The following FXN variants were observed in gnomAD, a reference collection of about 807,000 sequenced individuals.
The protein encoded by FXN is frataxin.
A neutral mutation model predicts 22.4 loss-of-function variants in FXN; 14 were observed. That is an observed-to-expected ratio of 0.62 (90% CI 0.41 to 0.98). The LOEUF (loss-of-function observed/expected upper bound fraction) is 0.98, where lower values mean the gene tolerates loss of function less well. Among genes scored for constraint, FXN ranks in the 50% least tolerant of loss-of-function variants. The pLI is 0.00. For missense variants in FXN, 267 were observed against 268.4 expected (o/e 0.99, Z 0.04); for synonymous variants, 120 against 114.1 (o/e 1.05, Z -0.33).
intron 2 of FXN, among the ~76,000 whole-genome samples, chr9:69,052,516 A>AACT (rs1254698224): frequency 1.4e-5 from 2 of 147,006 alleles, no homozygotes; most frequent in Non-Finnish European, 3.0e-5. Flanking sequence ...TTCTTTCTGT[A>AACT]ACCCCTTCTG....
chr9:69,054,152 C>T (rs1831912084), intron 3 of FXN, among the ~76,000 whole-genome samples: 1 of 152,138 alleles, frequency 6.6e-6, no homozygotes, highest in South Asian at 2.1e-4. Flanking sequence ...AGGCATCTGC[C>T]ACCATGCCCA....
At chr9:69,059,031 G>A (rs1256326843) in intron 3 of FXN, among the ~76,000 whole-genome samples, 1 of 151,946 alleles carries the variant, frequency 6.6e-6, no homozygotes, top group Non-Finnish European at 1.5e-5. Flanking sequence ...TCCCGCCACT[G>A]CACTCCAGCC....
chr9:69,042,254 A>AAAG (rs1285473719), intron 1 of FXN, among the ~76,000 whole-genome samples: 1 of 150,508 alleles, frequency 6.6e-6, no homozygotes, highest in South Asian at 2.1e-4. Flanking sequence ...AAAAAAAAAA[A>AAAG]GGAAGAACAC....
chr9:69,073,596 C>T lies in FXN; in HGVS notation c.*834C>T, dbSNP rs1832313338. The stretch of plus-strand genomic sequence containing the variant: ...AAGGGGCAGATAAAGGAAGGAGATA[C>T]TCATGTTGATAAAGAGAGCCCTGGT... On this transcript the variant is annotated 3_prime_UTR_variant, in exon 5 of 5. Transcript: ENST00000484259. The T allele has an allele frequency of 1.0e-6, 1 of 985,204 alleles. No individual in the cohort carries two copies. Among genetic ancestry groups the T allele is most frequent in the African/African-American group, 1.7e-5 (1 of 57,178 alleles). 61.0% of individuals were successfully genotyped at this position (985,204 alleles called of 1,614,324 possible). A position where few individuals can be genotyped will look rare whatever the true frequency, so the allele number is the denominator to read the frequency against.
intron 1 of FXN, among the ~76,000 whole-genome samples, chr9:69,042,478 T>C (rs1364850754): frequency 6.6e-6 from 1 of 152,140 alleles, no homozygotes; most frequent in Non-Finnish European, 1.5e-5. Flanking sequence ...ATCCCTTCCT[T>C]CAGAGGAGTA....
At position 69,053,837 on chromosome 9, in the gene FXN, C is replaced by T. The variant is rs540590079; in HGVS notation, c.384+577C>T. Among the ~76,000 whole-genome samples the T allele has an allele frequency of 5.9e-5, 9 of 152,192 alleles. No individual in the cohort carries two copies. The South Asian group carries it at 1.5e-3, about 25-fold the overall frequency. On this transcript the variant is annotated intron_variant, in intron 3 of 4. Transcript: ENST00000484259. The stretch of plus-strand genomic sequence containing the variant: ...CCTGTGAGACAGTGATGGGGTAGGT[C>T]GGGTGCATTCCTGGGAAGCATATTT...
chr9:69,048,899 T>C (rs1831805084), intron 2 of FXN, among the ~76,000 whole-genome samples: 1 of 152,198 alleles, frequency 6.6e-6, no homozygotes, highest in Admixed American at 6.5e-5. Flanking sequence ...GCGGTGTCTG[T>C]TCATTGACTT....
chr9:69,068,990 T>C (rs1691362130), intron 4 of FXN, among the ~76,000 whole-genome samples: 1 of 152,216 alleles, frequency 6.6e-6, no homozygotes, highest in Non-Finnish European at 1.5e-5. Context: ...CTGCAGACTA[T>C]CTGAATGACG....
intron 4 of FXN, among the ~76,000 whole-genome samples, chr9:69,067,626 C>A: frequency 6.6e-6 from 1 of 152,134 alleles, no homozygotes; most frequent in Middle Eastern, 3.2e-3. Flanking sequence ...ACAACAACAA[C>A]AACAAAAACA....
At position 69,077,368 on chromosome 9, in the gene FXN, A is replaced by G. The variant is rs1438178295; in HGVS notation, c.*4606A>G. 1 of 985,342 alleles carries G rather than the reference A, an allele frequency of 1.0e-6. No individual in the cohort carries two copies. Among genetic ancestry groups the G allele is most frequent in the Non-Finnish European group, 1.2e-6 (1 of 829,946 alleles). 61.0% of individuals were successfully genotyped at this position (985,342 alleles called of 1,614,324 possible). A position where few individuals can be genotyped will look rare whatever the true frequency, so the allele number is the denominator to read the frequency against. On this transcript the variant is annotated 3_prime_UTR_variant, in exon 5 of 5. Coordinates refer to ENST00000484259, the MANE Select transcript of FXN (RefSeq NM_000144.5). ...GACAGAATCCAAGCTCATATGTTCC[A>G]TCTTCTCTGGCTGTATAGTTTAAGG...
In FXN at chr9:69,075,929, A is replaced by G. The variant is rs1208137507; in HGVS notation, c.*3167A>G. On this transcript the variant is annotated 3_prime_UTR_variant, in exon 5 of 5. Transcript: ENST00000484259. ...CATGTTGCCCAGGCTGGTCTCTAAC[A>G]CTTAGGCTCAAGTGATCCACCTGCC... 2.9e-5 allele frequency: 22 copies of G among 756,696 alleles called. No homozygotes were observed. The highest frequency in any genetic ancestry group is 3.5e-5 in the Non-Finnish European group (22 of 622,360). 46.9% of individuals were successfully genotyped at this position (756,696 alleles called of 1,614,324 possible).
Position 69,075,707 on chromosome 9 carries a change from A to C in FXN, c.*2945A>C. ...TACTGGAGGAGGTGAGGAATTGCAT[A>C]ATACAATCTTAGAAAACTTTTTTTT... On this transcript the variant is annotated 3_prime_UTR_variant, in exon 5 of 5. Transcript: ENST00000484259. 5 of 985,298 alleles carry C rather than the reference A, an allele frequency of 5.1e-6. No homozygotes were observed. Among genetic ancestry groups the C allele is most frequent in the Non-Finnish European group, 6.0e-6 (5 of 829,840 alleles). The allele number at this position is 985,298 out of a possible 1,614,324, so 61.0% of individuals were successfully genotyped here.
chr9:69,044,867 C>G (rs955407398), intron 1 of FXN, among the ~76,000 whole-genome samples: 2 of 152,376 alleles, frequency 1.3e-5, no homozygotes, highest in Non-Finnish European at 2.9e-5. Context: ...TTCTGTCCTG[C>G]AGATCATGAT....
In FXN at chr9:69,042,264, C is replaced by T. The variant is rs569506235; in HGVS notation, c.166-4121C>T. On this transcript the variant is annotated intron_variant, in intron 1 of 4. Coordinates refer to ENST00000484259, the MANE Select transcript of FXN (RefSeq NM_000144.5). Reference sequence around the variant, plus strand: ...GAAAAAAAAAAAAAAAGGAAGAACACTCATCCTATGACCTTGACCTCCAAG... The same window carrying T: ...GAAAAAAAAAAAAAAAGGAAGAACATTCATCCTATGACCTTGACCTCCAAG... 5.7e-4 allele frequency among the ~76,000 whole-genome samples: 86 copies of T among 150,386 alleles called. 1 individual carries two copies. The East Asian group carries it at 0.015, about 26-fold the overall frequency.
chr9:69,054,102 G>C (rs901463915), intron 3 of FXN, among the ~76,000 whole-genome samples: 1 of 152,154 alleles, frequency 6.6e-6, no homozygotes, highest in Non-Finnish European at 1.5e-5. Context: ...CTGGGTTCAA[G>C]CAGTTCTCCT....
rs996185820 is a variant in FXN at position 69,076,794 on chromosome 9, A to G, written c.*4032A>G. The G allele has an allele frequency of 1.0e-6, 1 of 985,380 alleles. No individual in the cohort carries two copies. The highest frequency in any genetic ancestry group is 1.7e-5 in the African/African-American group (1 of 57,252). 61.0% of individuals were successfully genotyped at this position (985,380 alleles called of 1,614,324 possible). ...TGGCACATAGTTATCTTCTGCTAGA[A>G]CAAACTAAAACAGCTACATGCCAGC... On this transcript the variant is annotated 3_prime_UTR_variant, in exon 5 of 5. Coordinates refer to ENST00000484259, the MANE Select transcript of FXN (RefSeq NM_000144.5).
Position 69,077,302 on chromosome 9 carries a change from T to C in FXN, c.*4540T>C. On this transcript the variant is annotated 3_prime_UTR_variant, in exon 5 of 5. Transcript: ENST00000484259. ...CCTGATCAGTGGCCCCTTTGGAATG[T>C]GTAAAACTCAGCTCACTTATATCCC... 2.0e-6 allele frequency: 2 copies of C among 985,356 alleles called. No individual in the cohort carries two copies. Among genetic ancestry groups the C allele is most frequent in the South Asian group, 4.7e-5 (1 of 21,284 alleles). The allele number at this position is 985,356 out of a possible 1,614,324, so 61.0% of individuals were successfully genotyped here. A position where few individuals can be genotyped will look rare whatever the true frequency, so the allele number is the denominator to read the frequency against.
Position 69,069,071 on chromosome 9 carries a change from G to A in FXN, c.483-3541G>A, listed in dbSNP as rs191179332. Reference sequence around the variant, plus strand: ...CGAGACAGAAGCAATGCTTGCAGGCGAAGAAGAAGGGGCCAGACACAGTGG... The same window carrying A: ...CGAGACAGAAGCAATGCTTGCAGGCAAAGAAGAAGGGGCCAGACACAGTGG... On this transcript the variant is annotated intron_variant, in intron 4 of 4. Coordinates refer to ENST00000484259, the MANE Select transcript of FXN (RefSeq NM_000144.5). Among the ~76,000 whole-genome samples, 564 of 152,324 alleles carry A rather than the reference G, an allele frequency of 3.7e-3. 2 individuals carry two copies. The highest frequency in any genetic ancestry group is 5.2e-3 in the Non-Finnish European group (355 of 68,012).
At chr9:69,064,132 T>TA (rs1226485395) in intron 3 of FXN, among the ~76,000 whole-genome samples, 4 of 152,208 alleles carry the variant, frequency 2.6e-5, no homozygotes, top group Admixed American at 6.5e-5. Flanking sequence ...TCCCCCTGCT[T>TA]ACCAGTTCAA....
Sources: gnomAD v4.1 joint callset for allele counts (sites outside exome capture counted in the v4.1 genomes callset) on GRCh38, gnomAD v4.1.1 for gene constraint, MANE v1.5 for transcripts, NCBI Gene and HGNC (gene_info 2026-07-23, HGNC 2026-07-21) for gene names.